The following OR2A12 variants were observed in gnomAD, a reference collection of about 807,000 sequenced individuals.
OR2A12 encodes olfactory receptor family 2 subfamily A member 12.
For synonymous variants in OR2A12, 153 were observed against 149.3 expected, an observed-to-expected ratio of 1.02 and a Z score of -0.18; for missense variants, 380 against 372.5, an observed-to-expected ratio of 1.02 and a Z score of -0.17.
rs2051263387 is a variant in OR2A12 at position 144,096,140 on chromosome 7, T to C, written c.*100T>C. On this transcript the variant is annotated 3_prime_UTR_variant, in exon 2 of 2. Coordinates refer to ENST00000641592, the MANE Select transcript of OR2A12 (RefSeq NM_001004135.2). ...CTTTAATTTACCACACCCAATACTGTTTATCTTTAGACTTCTTATAAAAAG... is the reference window on the plus strand; with the variant it reads ...CTTTAATTTACCACACCCAATACTGCTTATCTTTAGACTTCTTATAAAAAG... 1 of 875,712 alleles carries C rather than the reference T, an allele frequency of 1.1e-6. No individual in the cohort carries two copies. The highest frequency in any genetic ancestry group is 1.7e-5 in the South Asian group (1 of 58,342). 54.2% of individuals were successfully genotyped at this position (875,712 alleles called of 1,614,324 possible).
intron 1 of OR2A12, among the ~76,000 whole-genome samples, chr7:144,090,514 G>A (rs978066726): frequency 6.6e-6 from 1 of 152,046 alleles, no homozygotes; most frequent in African/African-American, 2.4e-5. Flanking sequence ...AACTCTGTAG[G>A]TTTTATGGAT....
chr7:144,093,530 A>G (rs2051240521), intron 1 of OR2A12, among the ~76,000 whole-genome samples: 1 of 151,722 alleles, frequency 6.6e-6, no homozygotes, highest in African/African-American at 2.4e-5. Context: ...CACAACTTGC[A>G]GGTTTGTTAC....
Position 144,096,290 on chromosome 7 carries a change from AT to A in OR2A12, c.*252del. 3.7e-6 allele frequency: 1 copy of A among 273,078 alleles called. No individual in the cohort carries two copies. The highest frequency in any genetic ancestry group is 6.9e-6 in the Non-Finnish European group (1 of 144,630). 16.9% of individuals were successfully genotyped at this position (273,078 alleles called of 1,614,324 possible). A position where few individuals can be genotyped will look rare whatever the true frequency, so the allele number is the denominator to read the frequency against. ...ACCAACATGGCGAAACACTGTCTCT[AT>A]TAAAAATACAAAAATTAGCCGGGCG... On this transcript the variant is annotated 3_prime_UTR_variant, in exon 2 of 2. Coordinates refer to ENST00000641592, the MANE Select transcript of OR2A12 (RefSeq NM_001004135.2).
chr7:144,096,180 C>T lies in OR2A12; in HGVS notation c.*140C>T, dbSNP rs959512793. On this transcript the variant is annotated 3_prime_UTR_variant, in exon 2 of 2. Coordinates refer to ENST00000641592, the MANE Select transcript of OR2A12 (RefSeq NM_001004135.2). ...CTTATAAAAAGAGAAACTGGCCTGG[C>T]GTGGTGGCTGAAGCCTGTAATCCCA... The T allele has an allele frequency of 1.5e-5, 10 of 679,232 alleles. No homozygotes were observed. The highest frequency in any genetic ancestry group is 6.4e-5 in the Admixed American group (2 of 31,490). 42.1% of individuals were successfully genotyped at this position (679,232 alleles called of 1,614,324 possible).
rs959512793 is a variant in OR2A12 at position 144,096,180 on chromosome 7, C to A, written c.*140C>A. The A allele has an allele frequency of 8.8e-6, 6 of 679,232 alleles. No homozygotes were observed. The East Asian group carries it at 1.1e-4, about 13-fold the overall frequency. The allele number at this position is 679,232 out of a possible 1,614,324, so 42.1% of individuals were successfully genotyped here. On this transcript the variant is annotated 3_prime_UTR_variant, in exon 2 of 2. Transcript: ENST00000641592. ...CTTATAAAAAGAGAAACTGGCCTGG[C>A]GTGGTGGCTGAAGCCTGTAATCCCA...
At position 144,095,258 on chromosome 7, in the gene OR2A12, G is replaced by C. The variant is rs1417086644; in HGVS notation, c.151G>C (p.Asp51His). The change falls in exon 2 of 2, where the codon GAC becomes CAC. Residue 51 changes from aspartate (D) to histidine (H), a missense_variant. Coordinates refer to ENST00000641592, the MANE Select transcript of OR2A12 (RefSeq NM_001004135.2). ...GATTATCCTGGGGCTCATCTACTTGGACTCTAGACTGCACACACCCATGTA... is the reference window on the plus strand; with the variant it reads ...GATTATCCTGGGGCTCATCTACTTGCACTCTAGACTGCACACACCCATGTA... Reference protein sequence around the residue: ...NGIILGLIYLDSRLHTPMYVF... With the variant: ...NGIILGLIYLHSRLHTPMYVF... 1 of 1,613,990 alleles carries C rather than the reference G, an allele frequency of 6.2e-7. No homozygotes were observed.
rs1433239994 is a variant in OR2A12, at chr7:144,097,593, G to C, written c.*1553G>C. ...CAACGTGGGAGGATTTGATCCTTCA[G>C]ATATCAAAACACACTATATAGTGCT... On this transcript the variant is annotated 3_prime_UTR_variant, in exon 2 of 2. Coordinates refer to ENST00000641592, the MANE Select transcript of OR2A12 (RefSeq NM_001004135.2). 6.6e-6 allele frequency: 1 copy of C among 152,132 alleles called. No individual in the cohort carries two copies. The highest frequency in any genetic ancestry group is 1.5e-5 in the Non-Finnish European group (1 of 68,030). The allele number at this position is 152,132 out of a possible 1,614,324, so 9.4% of individuals were successfully genotyped here.
Position 144,097,654 on chromosome 7 carries a change from G to A in OR2A12, c.*1614G>A, listed in dbSNP as rs1445719697. 1 of 152,070 alleles carries A rather than the reference G, an allele frequency of 6.6e-6. No individual in the cohort carries two copies. The highest frequency in any genetic ancestry group is 1.5e-5 in the Non-Finnish European group (1 of 68,000). The allele number at this position is 152,070 out of a possible 1,614,324, so 9.4% of individuals were successfully genotyped here. On this transcript the variant is annotated 3_prime_UTR_variant, in exon 2 of 2. Coordinates refer to ENST00000641592, the MANE Select transcript of OR2A12 (RefSeq NM_001004135.2). ...ACAGTGTGGTATTTATACACAGATA[G>A]ACCAAAAAACAAACAGAATAGAAAG...
rs777704518 is a variant in OR2A12, at chr7:144,095,355, A to G, written c.248A>G (p.Asn83Ser). ...ASSTVPKMLA[N>S]LVMHKKVISF... ...AGTACTGTCCCTAAGATGCTAGCAAATCTTGTGATGCACAAAAAAGTCATC... is the reference window on the plus strand; with the variant it reads ...AGTACTGTCCCTAAGATGCTAGCAAGTCTTGTGATGCACAAAAAAGTCATC... The change falls in exon 2 of 2, where the codon AAT (asparagine) becomes AGT (serine). Residue 83 changes from asparagine to serine, a missense_variant. Transcript: ENST00000641592. 5 of 1,613,296 alleles carry G rather than the reference A, an allele frequency of 3.1e-6. No individual in the cohort carries two copies. In the South Asian group the frequency reaches 5.5e-5, roughly 18 times the overall value.
chr7:144,096,219 C>T lies in OR2A12; in HGVS notation c.*179C>T, dbSNP rs1166689795. 5.9e-6 allele frequency: 3 copies of T among 510,212 alleles called. No homozygotes were observed. Among genetic ancestry groups the T allele is most frequent in the East Asian group, 3.4e-5 (1 of 29,696 alleles). 31.6% of individuals were successfully genotyped at this position (510,212 alleles called of 1,614,324 possible). On this transcript the variant is annotated 3_prime_UTR_variant, in exon 2 of 2. Transcript: ENST00000641592. ...CCTGTAATCCCAACACTTTGGGAGG[C>T]TGACCTGGGCGGATTACCTGAGGTC... is the stretch of plus-strand genomic sequence containing the variant.
intron 1 of OR2A12, among the ~76,000 whole-genome samples, chr7:144,089,348 G>A (rs775201043): frequency 9.9e-5 from 15 of 151,690 alleles, no homozygotes; most frequent in African/African-American, 2.4e-4. Flanking sequence ...GTGCGTGTGC[G>A]TCTGCGTCTG....
In OR2A12 at chr7:144,097,647, A is replaced by G. The variant is rs974198461; in HGVS notation, c.*1607A>G. 3 of 152,216 alleles carry G rather than the reference A, an allele frequency of 2.0e-5. No homozygotes were observed. The highest frequency in any genetic ancestry group is 7.2e-5 in the African/African-American group (3 of 41,448). 9.4% of individuals were successfully genotyped at this position (152,216 alleles called of 1,614,324 possible). On this transcript the variant is annotated 3_prime_UTR_variant, in exon 2 of 2. Coordinates refer to ENST00000641592, the MANE Select transcript of OR2A12 (RefSeq NM_001004135.2). ...AAACAGAACAGTGTGGTATTTATAC[A>G]CAGATAGACCAAAAAACAAACAGAA...
chr7:144,098,682 G>C lies in OR2A12; in HGVS notation c.*2642G>C, dbSNP rs28472460. ...TGCCAAGCATCGTCGAGCTCTAGTG[G>C]GGACTTTCTTCTGGCTTTCAGAGAG... is the stretch of plus-strand genomic sequence containing the variant. On this transcript the variant is annotated 3_prime_UTR_variant, in exon 2 of 2. Transcript: ENST00000641592. 6.6e-6 allele frequency: 1 copy of C among 152,048 alleles called. No individual in the cohort carries two copies. Among genetic ancestry groups the C allele is most frequent in the South Asian group, 2.1e-4 (1 of 4,824 alleles). The allele number at this position is 152,048 out of a possible 1,614,324, so 9.4% of individuals were successfully genotyped here.
At chr7:144,092,643 T>C (rs895971646) in intron 1 of OR2A12, among the ~76,000 whole-genome samples, 5 of 152,152 alleles carry the variant, frequency 3.3e-5, no homozygotes, top group African/African-American at 1.2e-4. Context: ...GGCTTGACTG[T>C]TGTTGGTGTA....
chr7:144,090,547 T>C (rs1452492606), intron 1 of OR2A12, among the ~76,000 whole-genome samples: 4 of 152,188 alleles, frequency 2.6e-5, no homozygotes, highest in Non-Finnish European at 5.9e-5. Flanking sequence ...CTTTTAACTT[T>C]TAAATTCAGG....
At position 144,095,290 on chromosome 7, in the gene OR2A12, C is replaced by A. The variant is rs372499409; in HGVS notation, c.183C>A (p.Phe61Leu). ...DSRLHTPMYV[F>L]LSHLAIVDMS... is the part of the protein sequence containing the mutation. ...GACTGCACACACCCATGTATGTCTT[C>A]CTGTCACACCTGGCCATTGTGGACA... Residue 61 changes from phenylalanine (F) to leucine (L), a missense_variant, in exon 2 of 2, where the codon TTC (phenylalanine) becomes TTA (leucine). Transcript: ENST00000641592. The A allele has an allele frequency of 6.2e-6, 10 of 1,613,910 alleles. No individual in the cohort carries two copies. The African/African-American group carries it at 8.0e-5, about 13-fold the overall frequency.
At chr7:144,094,877 T>C (rs1451879423) in intron 1 of OR2A12, among the ~76,000 whole-genome samples, 180 bp from the exon 2 acceptor site, 1 of 152,218 alleles carries the variant, frequency 6.6e-6, no homozygotes, top group African/African-American at 2.4e-5. Flanking sequence ...AATTTTATCA[T>C]GAAATCGCCT....
chr7:144,088,171 C>G (rs1178487150), intron 1 of OR2A12, among the ~76,000 whole-genome samples: 1 of 152,148 alleles, frequency 6.6e-6, no homozygotes, highest in Non-Finnish European at 1.5e-5. Flanking sequence ...AACACCACGC[C>G]CTCCTAATTT....
chr7:144,093,108 A>G (rs1482898243), intron 1 of OR2A12, among the ~76,000 whole-genome samples: 1 of 152,172 alleles, frequency 6.6e-6, no homozygotes, highest in East Asian at 1.9e-4. Flanking sequence ...GACTCAGGTC[A>G]TCTTCAGTTA....
Sources: gnomAD v4.1 joint callset for allele counts (sites outside exome capture counted in the v4.1 genomes callset) on GRCh38, gnomAD v4.1.1 for gene constraint, MANE v1.5 for transcripts, NCBI Gene and HGNC (gene_info 2026-07-23, HGNC 2026-07-21) for gene names.